PDE4D: variants seen among roughly 807,000 people sequenced by gnomAD.
PDE4D encodes the protein 3',5'-cyclic-AMP phosphodiesterase 4D.
Under a neutral mutation model 87.4 loss-of-function variants are expected in PDE4D, and 24 were observed. The ratio of observed to expected loss-of-function variants is 0.27; its 90% CI spans 0.20 to 0.39. The LOEUF (loss-of-function observed/expected upper bound fraction) is 0.39. PDE4D is among the 10% of genes least tolerant of loss of function. The probability of loss-of-function intolerance (pLI) is 1.00; values close to 1 mark genes in which losing one functional copy is unlikely to be tolerated. For synonymous variants in PDE4D, 384 were observed against 383.2 expected, an observed-to-expected ratio of 1.00 and a Z score of -0.02; for missense variants, 714 against 1,041.0, an observed-to-expected ratio of 0.69 and a Z score of 4.32.
intron 2 of PDE4D, among the ~76,000 whole-genome samples, chr5:60,078,001 C>A (rs148988191): frequency 8.9e-4 from 135 of 152,242 alleles, no homozygotes; most frequent in African/African-American, 2.7e-3. Flanking sequence ...GCCCTCAGTG[C>A]CTTCCCTGTG....
intron 1 of PDE4D, among the ~76,000 whole-genome samples, chr5:59,857,186 C>A (rs578051981): frequency 1.3e-5 from 2 of 152,342 alleles, no homozygotes; most frequent in Admixed American, 1.3e-4. Flanking sequence ...TACAGATCTA[C>A]ATCTCCCTTA....
At chr5:59,964,735 A>T (rs548123591) in intron 3 of PDE4D, among the ~76,000 whole-genome samples, 1 of 151,896 alleles carries the variant, frequency 6.6e-6, no homozygotes. Context: ...CTCTTGTTGC[A>T]CTCTCCTATC....
chr5:58,981,365 A>G (rs1012248378), intron 11 of PDE4D, among the ~76,000 whole-genome samples: 26 of 151,962 alleles, frequency 1.7e-4, no homozygotes, highest in Non-Finnish European at 7.3e-5. Context: ...AAGTGAAAGT[A>G]AAGTTTTTGA....
chr5:59,341,905 T>C (rs1203131273), intron 1 of PDE4D, among the ~76,000 whole-genome samples: 1 of 152,212 alleles, frequency 6.6e-6, no homozygotes, highest in Non-Finnish European at 1.5e-5. Flanking sequence ...GTTTACTCTA[T>C]GCCAGGCGCT....
chr5:59,430,198 T>C (rs756088116), intron 1 of PDE4D: 9 of 1,108,224 alleles, frequency 8.1e-6, no homozygotes, highest in South Asian at 4.7e-5. Flanking sequence ...CTTCTCACCC[T>C]GACCCTCCCA....
chr5:60,112,347 A>G (rs1246864212), intron 2 of PDE4D, among the ~76,000 whole-genome samples: 1 of 152,106 alleles, frequency 6.6e-6, no homozygotes, highest in Non-Finnish European at 1.5e-5. Flanking sequence ...TACTTTTGAC[A>G]TCTTCTCCAT....
intron 1 of PDE4D, among the ~76,000 whole-genome samples, chr5:60,216,550 T>A (rs1743868444): frequency 6.6e-6 from 1 of 152,002 alleles, no homozygotes; most frequent in Non-Finnish European, 1.5e-5. Context: ...TACAAGAAAC[T>A]CACTTTAGAT....
At chr5:59,431,696 T>TG (rs1260206937) in intron 1 of PDE4D, among the ~76,000 whole-genome samples, 1 of 152,074 alleles carries the variant, frequency 6.6e-6, no homozygotes, top group African/African-American at 2.4e-5. Context: ...ACTTGTGCCA[T>TG]GGGGGTTTGT....
intron 1 of PDE4D, among the ~76,000 whole-genome samples, chr5:60,256,938 T>G (rs921990092): frequency 6.6e-6 from 1 of 151,846 alleles, no homozygotes; most frequent in Non-Finnish European, 1.5e-5. Flanking sequence ...CATACACACA[T>G]GCACCCACAT....
chr5:60,050,766 T>C (rs557648486), intron 2 of PDE4D, among the ~76,000 whole-genome samples: 72 of 152,316 alleles, frequency 4.7e-4, no homozygotes, highest in Non-Finnish European at 9.0e-4. Context: ...GCAAGATCCA[T>C]TGTTGTGCTG....
chr5:59,580,963 G>A (rs1824020299), intron 1 of PDE4D, among the ~76,000 whole-genome samples: 1 of 151,932 alleles, frequency 6.6e-6, no homozygotes, highest in Admixed American at 6.6e-5. Flanking sequence ...TATATGGAGA[G>A]ATATATATGT....
intron 1 of PDE4D, among the ~76,000 whole-genome samples, chr5:60,424,662 A>T (rs1247830212): frequency 6.6e-6 from 1 of 152,230 alleles, no homozygotes; most frequent in Non-Finnish European, 1.5e-5. Context: ...TATGCAACTT[A>T]GTGTTGGAAG....
At position 59,549,933 on chromosome 5, in the gene PDE4D, T is replaced by C. The variant is rs1309277696; in HGVS notation, c.456-333965A>G. Reference sequence around the variant, plus strand: ...TACTCATAGAATTATGAAATATTTTTGCTAAAAGCATTTAGAACTAATCTA... The same window carrying C: ...TACTCATAGAATTATGAAATATTTTCGCTAAAAGCATTTAGAACTAATCTA... On this transcript the variant is annotated intron_variant, in intron 1 of 14. Coordinates refer to ENST00000340635, the MANE Select transcript of PDE4D (RefSeq NM_001104631.2). Among the ~76,000 whole-genome samples the C allele has an allele frequency of 3.3e-5, 5 of 151,852 alleles. No homozygotes were observed. The East Asian group carries it at 9.6e-4, about 29-fold the overall frequency.
chr5:59,519,632 G>T (rs1038014410), intron 1 of PDE4D, among the ~76,000 whole-genome samples: 1 of 152,338 alleles, frequency 6.6e-6, no homozygotes, highest in Admixed American at 6.5e-5. Context: ...TCATGTAGAA[G>T]TTTAACAGAC....
intron 1 of PDE4D, among the ~76,000 whole-genome samples, chr5:60,482,607 G>A (rs550791432): frequency 6.6e-6 from 1 of 152,322 alleles, no homozygotes; most frequent in African/African-American, 2.4e-5. Flanking sequence ...TTGAATGAAT[G>A]AGAAGAATCT....
chr5:60,436,818 C>T (rs1193565048), intron 1 of PDE4D, among the ~76,000 whole-genome samples: 1 of 151,948 alleles, frequency 6.6e-6, no homozygotes, highest in Admixed American at 6.6e-5. Flanking sequence ...GGCTAAATAA[C>T]GGGAAAATTC....
At chr5:59,616,593 T>C (rs1469227440) in intron 1 of PDE4D, among the ~76,000 whole-genome samples, 2 of 152,130 alleles carry the variant, frequency 1.3e-5, no homozygotes, top group Non-Finnish European at 2.9e-5. Context: ...TGTGATAATG[T>C]CATGCTCCCT....
chr5:59,574,129 TA>T (rs1822638154), intron 1 of PDE4D, among the ~76,000 whole-genome samples: 1 of 3,212 alleles, frequency 3.1e-4, no homozygotes, highest in Non-Finnish European at 9.3e-4. Context: ...AATATATATT[TA>T]TATATATATA....
chr5:59,986,778 C>G (rs1359929002), intron 3 of PDE4D: 3 of 152,200 alleles, frequency 2.0e-5, no homozygotes, highest in African/African-American at 7.2e-5. Context: ...TGCATATCCA[C>G]TTTCCTTCTG....
Sources: gnomAD v4.1 joint callset for allele counts (sites outside exome capture counted in the v4.1 genomes callset) on GRCh38, gnomAD v4.1.1 for gene constraint, MANE v1.5 for transcripts, NCBI Gene and HGNC (gene_info 2026-07-23, HGNC 2026-07-21) for gene names.